The following GABRB3 variants were observed in gnomAD, a reference collection of about 807,000 sequenced individuals.
GABRB3 encodes the protein gamma-aminobutyric acid type A receptor subunit beta3.
In GABRB3, 14 loss-of-function variants were observed where a neutral mutation model predicts 52.1. That is an observed-to-expected ratio of 0.27 (90% CI 0.18 to 0.42). The LOEUF (loss-of-function observed/expected upper bound fraction) is 0.42. GABRB3 is among the 10% of genes least tolerant of loss of function. The probability of loss-of-function intolerance (pLI) is 1.00; values close to 1 mark genes in which losing one functional copy is unlikely to be tolerated. For synonymous variants in GABRB3, 260 were observed against 232.3 expected, an observed-to-expected ratio of 1.12 and a Z score of -1.08; for missense variants, 307 against 609.1, an observed-to-expected ratio of 0.50 and a Z score of 5.22.
intron 6 of GABRB3, among the ~76,000 whole-genome samples, chr15:26,579,184 C>T (rs72702133): frequency 0.092 from 14,058 of 152,234 alleles, 757 homozygotes; most frequent in Admixed American, 0.16. Flanking sequence ...TTGGGCATTA[C>T]TCAAGATGGG....
intron 3 of GABRB3, among the ~76,000 whole-genome samples, chr15:26,765,524 C>T (rs3212339): frequency 0.92 from 139,741 of 152,316 alleles, 64,155 homozygotes; most frequent in East Asian, 1. Flanking sequence ...GACATTAAAG[C>T]ATTTCATTGG....
intron 3 of GABRB3, among the ~76,000 whole-genome samples, chr15:26,669,459 T>C (rs1324698234): frequency 3.3e-5 from 5 of 152,160 alleles, no homozygotes; most frequent in Middle Eastern, 6.3e-3. Context: ...TGCCATGGGG[T>C]AGGTGTCCAA....
At chr15:26,624,972 A>T in intron 3 of GABRB3, 2 of 985,456 alleles carry the variant, frequency 2.0e-6, no homozygotes, top group Non-Finnish European at 2.4e-6. Flanking sequence ...TGTGCTACCT[A>T]GAACCTCATT....
chr15:26,595,506 G>A (rs1248989952), intron 4 of GABRB3, among the ~76,000 whole-genome samples: 1 of 152,134 alleles, frequency 6.6e-6, no homozygotes, highest in Non-Finnish European at 1.5e-5. Context: ...TGGTTACTGT[G>A]AGCCTTAAAC....
chr15:26,561,512 G>A lies in GABRB3; in HGVS notation c.836-336C>T, dbSNP rs11631853. ...ATGTAGAGCAGGAAAAAAGAATGTGGTTTTTATGAATGCTGGAAAAAATAA... is the reference window on the plus strand; with the variant it reads ...ATGTAGAGCAGGAAAAAAGAATGTGATTTTTATGAATGCTGGAAAAAATAA... On this transcript the variant is annotated intron_variant, in intron 7 of 8. Coordinates refer to ENST00000311550, the MANE Select transcript of GABRB3 (RefSeq NM_000814.6). 0.39 allele frequency among the ~76,000 whole-genome samples: 59,607 copies of A among 151,496 alleles called. 12,853 individuals are homozygous for A. Among genetic ancestry groups the A allele is most frequent in the Non-Finnish European group, 0.49 (33,529 of 67,866 alleles).
chr15:26,751,822 A>G (rs1417610898), intron 3 of GABRB3, among the ~76,000 whole-genome samples: 1 of 152,128 alleles, frequency 6.6e-6, no homozygotes, highest in East Asian at 1.9e-4. Flanking sequence ...TTTTAGGAAA[A>G]AAAGCCATGT....
chr15:26,758,970 T>C (rs1459444410), intron 3 of GABRB3, among the ~76,000 whole-genome samples: 2 of 152,148 alleles, frequency 1.3e-5, no homozygotes, highest in East Asian at 1.9e-4. Flanking sequence ...TTGGAAATTG[T>C]TTGTGGGGGT....
At chr15:26,601,290 A>G (rs1891578035) in intron 4 of GABRB3, among the ~76,000 whole-genome samples, 1 of 152,058 alleles carries the variant, frequency 6.6e-6, no homozygotes, top group African/African-American at 2.4e-5. Flanking sequence ...GGCACCTGTA[A>G]TCCTAGCTAC....
chr15:26,562,548 C>T (rs1026145041), intron 7 of GABRB3, among the ~76,000 whole-genome samples: 11 of 152,356 alleles, frequency 7.2e-5, no homozygotes, highest in African/African-American at 1.9e-4. Flanking sequence ...TACTCTGGGA[C>T]GGAGCCCAGG....
chr15:26,704,875 C>T (rs1423857381), intron 3 of GABRB3, among the ~76,000 whole-genome samples: 1 of 152,142 alleles, frequency 6.6e-6, no homozygotes, highest in African/African-American at 2.4e-5. Flanking sequence ...GAGGCTTTCC[C>T]TTCACCTCTC....
intron 3 of GABRB3, among the ~76,000 whole-genome samples, chr15:26,759,991 A>G (rs1213527981): frequency 6.6e-6 from 1 of 152,242 alleles, no homozygotes; most frequent in Non-Finnish European, 1.5e-5. Flanking sequence ...ACTATGTTTG[A>G]GACCTGAAAA....
At chr15:26,701,971 T>C (rs577234580) in intron 3 of GABRB3, among the ~76,000 whole-genome samples, 116 of 152,280 alleles carry the variant, frequency 7.6e-4, no homozygotes, top group Non-Finnish European at 5.9e-4. Flanking sequence ...GTTAGTTCAA[T>C]GAAAAAGAAA....
rs111281526 is a variant in GABRB3, at chr15:26,737,013, T to G, written c.240+35389A>C. Among the ~76,000 whole-genome samples, 548 of 152,336 alleles carry G rather than the reference T, an allele frequency of 3.6e-3. 2 individuals carry two copies. Among genetic ancestry groups the G allele is most frequent in the African/African-American group, 0.013 (533 of 41,572 alleles). On this transcript the variant is annotated intron_variant, in intron 3 of 8. Coordinates refer to ENST00000311550, the MANE Select transcript of GABRB3 (RefSeq NM_000814.6). Reference sequence around the variant, plus strand: ...GGTTTAACGTCCTTGATTTTCCCTCTTAGCCTCCTGTGGCACCACCAGGCC... The same window carrying G: ...GGTTTAACGTCCTTGATTTTCCCTCGTAGCCTCCTGTGGCACCACCAGGCC...
chr15:26,724,028 T>C (rs975144025), intron 3 of GABRB3, among the ~76,000 whole-genome samples: 1 of 152,192 alleles, frequency 6.6e-6, no homozygotes, highest in African/African-American at 2.4e-5. Flanking sequence ...TTTCCCACAT[T>C]TCATTGGCTG....
intron 3 of GABRB3, among the ~76,000 whole-genome samples, chr15:26,751,610 A>C (rs965342051): frequency 6.6e-6 from 1 of 151,948 alleles, no homozygotes; most frequent in African/African-American, 2.4e-5. Flanking sequence ...TAAAAAAATC[A>C]ATAGTATGTC....
At chr15:26,740,974 G>A (rs566575342) in intron 3 of GABRB3, among the ~76,000 whole-genome samples, 34 of 152,062 alleles carry the variant, frequency 2.2e-4, no homozygotes, top group Non-Finnish European at 5.0e-4. Context: ...AATTTCAGAT[G>A]GGCCAGGAGA....
At chr15:26,549,420 C>G (rs1396853818) in intron 8 of GABRB3, among the ~76,000 whole-genome samples, 1 of 152,074 alleles carries the variant, frequency 6.6e-6, no homozygotes, top group Non-Finnish European at 1.5e-5. Context: ...GGTGGAAAGG[C>G]ACCAAAGAGG....
chr15:26,742,388 A>AG (rs543562325), intron 3 of GABRB3, among the ~76,000 whole-genome samples: 1 of 151,820 alleles, frequency 6.6e-6, no homozygotes, highest in Admixed American at 6.6e-5. Flanking sequence ...GTATTGAAAA[A>AG]AAAAAAAGCC....
chr15:26,711,603 T>C (rs1325817916), intron 3 of GABRB3, among the ~76,000 whole-genome samples: 1 of 152,112 alleles, frequency 6.6e-6, no homozygotes, highest in Non-Finnish European at 1.5e-5. Flanking sequence ...CATCTCCCAT[T>C]CTTCTGAGCC....
Sources: allele counts gnomAD v4.1 joint callset (sites outside exome capture counted in the v4.1 genomes callset), GRCh38; gene constraint gnomAD v4.1.1; transcripts MANE v1.5; gene names NCBI Gene and HGNC (gene_info 2026-07-23, HGNC 2026-07-21).